CILP: variants seen among roughly 807,000 people sequenced by gnomAD.
The protein encoded by CILP is cartilage intermediate layer protein 1.
In CILP, 75 loss-of-function variants were observed where a neutral mutation model predicts 82.5. The ratio of observed to expected loss-of-function variants is 0.91; its 90% CI spans 0.75 to 1.10. CILP has a LOEUF of 1.10. CILP is among the 50% of genes least tolerant of loss of function. The pLI is 0.00. For missense variants in CILP, 1,479 were observed against 1,530.8 expected, an observed-to-expected ratio of 0.97 and a Z score of 0.56; for synonymous variants, 530 against 580.3, an observed-to-expected ratio of 0.91 and a Z score of 1.25.
In CILP at chr15:65,197,654, T is replaced by C. The variant is rs149553691; in HGVS notation, c.2632A>G (p.Met878Val). 22 of 1,614,068 alleles carry C rather than the reference T, an allele frequency of 1.4e-5. No homozygotes were observed. The highest frequency in any genetic ancestry group is 1.7e-5 in the Non-Finnish European group (20 of 1,180,058). ...GCTGAGTTGGGCCTTGGCTTGGCCA[T>C]GCTAATCTGGAAAGCTGTCTTTTTA... ...RVKKTAFQIS[M>V]AKPRPNSAEE... The change falls in exon 9 of 9, where the codon ATG (methionine) becomes GTG (valine). Residue 878 changes from methionine to valine, a missense_variant. By Grantham distance (21) the Met-to-Val change is conservative. Transcript: ENST00000261883.
rs376138832 is a variant in CILP, at chr15:65,198,521, G to T, written c.1765C>A (p.Leu589Met). The change falls in exon 9 of 9, where the codon CTG (leucine) becomes ATG (methionine). Residue 589 changes from leucine to methionine, a missense_variant. Transcript: ENST00000261883. ...GGGTCTTCACCAACCACTTCCCCCA[G>T]GGGGATGATGTTGGTCTCCATGGCT... Reference protein sequence around the residue: ...LEAMETNIIPLGEVVGEDPMA... With the variant: ...LEAMETNIIPMGEVVGEDPMA... The T allele has an allele frequency of 1.1e-5, 18 of 1,614,138 alleles. No homozygotes were observed. The African/African-American group carries it at 1.7e-4, about 16-fold the overall frequency.
intron 7 of CILP, 69 bp from the exon 8 acceptor site, chr15:65,202,098 G>C (rs1032342844): frequency 7.4e-7 from 1 of 1,345,374 alleles, no homozygotes; most frequent in African/African-American, 1.5e-5. Flanking sequence ...AAAGTGCCAG[G>C]AGCAGGCAGC....
At position 65,196,448 on chromosome 15, in the gene CILP, T is replaced by G; in HGVS notation, c.*283A>C. ...AAAAGAAGAGGAAGTATATTTGCATTAATGGCATTAAATGAAGTACAGTTG... is the reference window on the plus strand; with the variant it reads ...AAAAGAAGAGGAAGTATATTTGCATGAATGGCATTAAATGAAGTACAGTTG... On this transcript the variant is annotated 3_prime_UTR_variant, in exon 9 of 9. Coordinates refer to ENST00000261883, the MANE Select transcript of CILP (RefSeq NM_003613.4). 2.9e-6 allele frequency: 1 copy of G among 348,172 alleles called. No individual in the cohort carries two copies. The highest frequency in any genetic ancestry group is 5.2e-6 in the Non-Finnish European group (1 of 192,822). The allele number at this position is 348,172 out of a possible 1,614,324, so 21.6% of individuals were successfully genotyped here.
Position 65,198,883 on chromosome 15 carries a change from C to T in CILP, c.1403G>A (p.Ser468Asn). The T allele has an allele frequency of 6.2e-7, 1 of 1,614,064 alleles. No individual in the cohort carries two copies. Among genetic ancestry groups the T allele is most frequent in the South Asian group, 1.1e-5 (1 of 91,082 alleles). ...CACCTTGGTGGGTAGCGTGTAGCCA[C>T]TGCACTGGATCTCCCTTTCCTCTGT... ...SKTEEREIQC[S>N]GYTLPTKVAK... Residue 468 changes from serine to asparagine, a missense_variant, in exon 9 of 9, where the codon AGT becomes AAT. Coordinates refer to ENST00000261883, the MANE Select transcript of CILP (RefSeq NM_003613.4).
rs1300996496 is a variant in CILP, at chr15:65,199,132, T to C, written c.1187-33A>G. ...GGGAAATGGTGTGGAAATTAAGATG[T>C]AAGTTTACATCCTACACAAAGAGTA... On this transcript the variant is annotated intron_variant, in intron 8 of 8. Coordinates refer to ENST00000261883, the MANE Select transcript of CILP (RefSeq NM_003613.4). The C allele has an allele frequency of 1.0e-5, 15 of 1,472,284 alleles. 1 individual carries two copies. In the Admixed American group the frequency reaches 2.8e-4, roughly 28 times the overall value. The allele number at this position is 1,472,284 out of a possible 1,614,324, so 91.2% of individuals were successfully genotyped here.
chr15:65,205,212 T>C, intron 5 of CILP, 75 bp downstream of exon 5: 3 of 1,411,994 alleles, frequency 2.1e-6, no homozygotes, highest in Non-Finnish European at 2.9e-6. Context: ...AGTCTCAAAC[T>C]GACCCTCTAA....
intron 8 of CILP, among the ~76,000 whole-genome samples, chr15:65,199,902 A>G (rs1437107999): frequency 1.3e-5 from 2 of 152,228 alleles, no homozygotes; most frequent in East Asian, 1.9e-4. Context: ...TGCAACTACC[A>G]TATAAATTGA....
In CILP at chr15:65,197,514, G is replaced by A; in HGVS notation, c.2772C>T (p.Tyr924=). The A allele has an allele frequency of 6.2e-7, 1 of 1,614,246 alleles. No individual in the cohort carries two copies. Among genetic ancestry groups the A allele is most frequent in the Non-Finnish European group, 8.5e-7 (1 of 1,180,040 alleles). ...FYQIEGDRYD[Y]NTVPFNEDDP... ...CATCTTCGTTGAAGGGGACTGTGTTGTAGTCATATCGATCCCCCTCAATCT... is the reference window on the plus strand; with the variant it reads ...CATCTTCGTTGAAGGGGACTGTGTTATAGTCATATCGATCCCCCTCAATCT... The change falls in exon 9 of 9, where the codon TAC becomes TAT. Residue 924 remains tyrosine (Y), a synonymous_variant. Coordinates refer to ENST00000261883, the MANE Select transcript of CILP (RefSeq NM_003613.4).
chr15:65,205,435 C>G lies in CILP; in HGVS notation c.456G>C (p.Trp152Cys), dbSNP rs1445780308. Residue 152 changes from tryptophan to cysteine, a missense_variant, in exon 5 of 9, where the codon TGG becomes TGC. Trp to Cys is a radical substitution (Grantham distance 215, BLOSUM62 -2). Coordinates refer to ENST00000261883, the MANE Select transcript of CILP (RefSeq NM_003613.4). ...GSLRRDTERI[W>C]SPWSPWSKCS... The stretch of plus-strand genomic sequence containing the variant: ...ACTTGCTCCAGGGAGACCATGGGCT[C>G]CAGATGCGCTCTGTGTCTCGGCGCA... 6.2e-7 allele frequency: 1 copy of G among 1,612,874 alleles called. No homozygotes were observed. Among genetic ancestry groups the G allele is most frequent in the African/African-American group, 1.3e-5 (1 of 75,038 alleles).
At chr15:65,202,367 G>T (rs2088467748) in intron 7 of CILP, among the ~76,000 whole-genome samples, 1 of 152,052 alleles carries the variant, frequency 6.6e-6, no homozygotes, top group Non-Finnish European at 1.5e-5. Context: ...ATAAGAAAGT[G>T]GCTATAAAAT....
At chr15:65,199,244 G>A in intron 8 of CILP, 145 bp from the exon 9 acceptor site, 2 of 632,880 alleles carry the variant, frequency 3.2e-6, no homozygotes, top group Non-Finnish European at 5.4e-6. Flanking sequence ...TCTCTGAGAG[G>A]ATAGAACAGC....
chr15:65,204,917 G>A (rs1173572432), intron 5 of CILP, among the ~76,000 whole-genome samples: 2 of 152,120 alleles, frequency 1.3e-5, no homozygotes, highest in Admixed American at 6.5e-5. Context: ...TACTAGGGAG[G>A]CTGAGATAGT....
Position 65,196,938 on chromosome 15 carries a change from G to A in CILP, c.3348C>T (p.Thr1116=). 1.2e-6 allele frequency: 2 copies of A among 1,613,724 alleles called. No homozygotes were observed. Among genetic ancestry groups the A allele is most frequent in the Non-Finnish European group, 8.5e-7 (1 of 1,179,830 alleles). ...IMKSNVGVAL[T]FNCVERQVGR... ...CTACTTGCCTCTCTACACAGTTGAA[G>A]GTGAGGGCTACTCCCACATTGCTCT... is the stretch of plus-strand genomic sequence containing the variant. Residue 1116 remains threonine (T), a synonymous_variant, in exon 9 of 9, where the codon ACC becomes ACT. Transcript: ENST00000261883.
intron 8 of CILP, among the ~76,000 whole-genome samples, chr15:65,200,477 A>G (rs1415369334): frequency 6.8e-6 from 1 of 146,854 alleles, no homozygotes; most frequent in Non-Finnish European, 1.5e-5. Flanking sequence ...TAGGCCAATT[A>G]CCAAGCTATC....
Position 65,198,246 on chromosome 15 carries a change from G to A in CILP, c.2040C>T (p.Val680=), listed in dbSNP as rs893274751. 7.4e-6 allele frequency: 12 copies of A among 1,614,126 alleles called. No homozygotes were observed. Among genetic ancestry groups the A allele is most frequent in the African/African-American group, 1.3e-5 (1 of 74,930 alleles). The change falls in exon 9 of 9, where the codon GTC becomes GTT. Residue 680 remains valine, a synonymous_variant. Coordinates refer to ENST00000261883, the MANE Select transcript of CILP (RefSeq NM_003613.4). ...SEPLNAGKVK[V]HLDSTQVKMP... is the part of the protein sequence containing the mutation. ...TCTTGACCTGGGTCGAGTCAAGGTGGACCTTCACTTTGCCAGCATTAAGTG... is the reference window on the plus strand; with the variant it reads ...TCTTGACCTGGGTCGAGTCAAGGTGAACCTTCACTTTGCCAGCATTAAGTG...
At position 65,202,292 on chromosome 15, in the gene CILP, T is replaced by C. The variant is rs186861310; in HGVS notation, c.1029-263A>G. Among the ~76,000 whole-genome samples the C allele has an allele frequency of 1.5e-3, 227 of 152,304 alleles. 1 individual carries two copies. The highest frequency in any genetic ancestry group is 6.8e-3 in the Middle Eastern group (2 of 294). On this transcript the variant is annotated intron_variant, in intron 7 of 8. Coordinates refer to ENST00000261883, the MANE Select transcript of CILP (RefSeq NM_003613.4). ...CCATCTCACCAATCTGTACTTCAGC[T>C]TTCTGGTCTATAAAATGTCAGCAAT... is the stretch of plus-strand genomic sequence containing the variant.
Position 65,195,372 on chromosome 15 carries a change from G to C in CILP, c.*1359C>G, listed in dbSNP as rs2088349200. 1 of 152,244 alleles carries C rather than the reference G, an allele frequency of 6.6e-6. No individual in the cohort carries two copies. The highest frequency in any genetic ancestry group is 1.5e-5 in the Non-Finnish European group (1 of 68,100). 9.4% of individuals were successfully genotyped at this position (152,244 alleles called of 1,614,324 possible). ...GGAGGGGTTGGGATAGGGGCAGTGA[G>C]TGCATCCTATCCAACCCCACACCCC... On this transcript the variant is annotated 3_prime_UTR_variant, in exon 9 of 9. Transcript: ENST00000261883.
chr15:65,201,012 T>C (rs923305773), intron 8 of CILP, among the ~76,000 whole-genome samples: 7 of 151,846 alleles, frequency 4.6e-5, no homozygotes, highest in African/African-American at 1.5e-4. Context: ...TCTTCTTCTT[T>C]TTTTTTTGAG....
rs1354773326 is a variant in CILP at position 65,205,446 on chromosome 15, C to T, written c.445G>A (p.Glu149Lys). 1 of 1,610,778 alleles carries T rather than the reference C, an allele frequency of 6.2e-7. No homozygotes were observed. The highest frequency in any genetic ancestry group is 1.1e-5 in the South Asian group (1 of 90,992). Reference protein sequence around the residue: ...CPPGSLRRDTERIWSPWSPWS... With the variant: ...CPPGSLRRDTKRIWSPWSPWS... ...GGAGACCATGGGCTCCAGATGCGCT[C>T]TGTGTCTCGGCGCAGGGATCCTGCA... Residue 149 changes from glutamate (E) to lysine (K), a missense_variant, in exon 5 of 9, where the codon GAG (glutamate) becomes AAG (lysine). Glu to Lys is a moderately conservative substitution (Grantham distance 56). Coordinates refer to ENST00000261883, the MANE Select transcript of CILP (RefSeq NM_003613.4).
Sources: allele counts gnomAD v4.1 joint callset (sites outside exome capture counted in the v4.1 genomes callset), GRCh38; gene constraint gnomAD v4.1.1; transcripts MANE v1.5; gene names NCBI Gene and HGNC (gene_info 2026-07-23, HGNC 2026-07-21).